The following ITIH5 variants were observed in gnomAD, a reference collection of about 807,000 sequenced individuals.
ITIH5 encodes inter-alpha-trypsin inhibitor heavy chain 5.
A neutral mutation model predicts 77.5 loss-of-function variants in ITIH5; 65 were observed. The observed-to-expected ratio is 0.84, with a 90% confidence interval of 0.69 to 1.03. ITIH5 has a LOEUF of 1.03. ITIH5 is among the 50% of genes least tolerant of loss of function. The probability of loss-of-function intolerance (pLI) is 0.00; values close to 1 mark genes in which losing one functional copy is unlikely to be tolerated. For synonymous variants in ITIH5, 525 were observed against 494.3 expected, an observed-to-expected ratio of 1.06 and a Z score of -0.82; for missense variants, 1,208 against 1,213.1, an observed-to-expected ratio of 1.00 and a Z score of 0.06.
At chr10:7,576,074 G>C (rs1448113779) in intron 10 of ITIH5, among the ~76,000 whole-genome samples, 1 of 152,152 alleles carries the variant, frequency 6.6e-6, no homozygotes, top group African/African-American at 2.4e-5. Flanking sequence ...ACCCAGGTTG[G>C]AGAGCAATGG....
At chr10:7,649,502 A>T in intron 2 of ITIH5, among the ~76,000 whole-genome samples, 1 of 149,374 alleles carries the variant, frequency 6.7e-6, no homozygotes, top group South Asian at 2.2e-4. Flanking sequence ...AAGTGGATAG[A>T]TGGATAGATA....
intron 2 of ITIH5, among the ~76,000 whole-genome samples, chr10:7,648,256 A>G (rs1834037763): frequency 8.6e-6 from 1 of 116,620 alleles, no homozygotes; most frequent in Non-Finnish European, 2.0e-5. Context: ...AAAAAAAAAA[A>G]AGAACACAGA....
chr10:7,628,729 ATGTTGCAGCG>A (rs1833635154), intron 5 of ITIH5, among the ~76,000 whole-genome samples: 1 of 103,716 alleles, frequency 9.6e-6, no homozygotes, highest in Non-Finnish European at 1.9e-5. Flanking sequence ...GCGTGTGTCC[ATGTTGCAGCG>A]TGTGTCCATG....
intron 5 of ITIH5, among the ~76,000 whole-genome samples, chr10:7,634,193 G>A (rs1833761211): frequency 1.3e-5 from 2 of 151,800 alleles, no homozygotes; most frequent in African/African-American, 4.8e-5. Flanking sequence ...AACACAGCCA[G>A]ATCTATCAGC....
At chr10:7,577,038 G>T (rs770407026) in intron 9 of ITIH5, 26 bp from the exon 10 acceptor site, 1 of 1,576,856 alleles carries the variant, frequency 6.3e-7, no homozygotes, top group East Asian at 2.2e-5. Context: ...AGGGAGGGAG[G>T]GAGATCAGGG....
chr10:7,567,961 G>T (rs2082941746), intron 12 of ITIH5, among the ~76,000 whole-genome samples: 1 of 152,206 alleles, frequency 6.6e-6, no homozygotes, highest in African/African-American at 2.4e-5. Context: ...GAGGATCCCA[G>T]AAGGTAGCAT....
intron 2 of ITIH5, among the ~76,000 whole-genome samples, chr10:7,644,015 C>T (rs933846102): frequency 2.6e-5 from 4 of 152,146 alleles, no homozygotes; most frequent in Admixed American, 6.5e-5. Context: ...CCAAGGTGGA[C>T]AGATCACCTG....
At chr10:7,582,083 G>T (rs573632468) in intron 8 of ITIH5, among the ~76,000 whole-genome samples, 9 of 151,196 alleles carry the variant, frequency 6.0e-5, no homozygotes, top group Non-Finnish European at 1.2e-4. Context: ...CACCATGTTG[G>T]CCAGGCTGGT....
At chr10:7,570,614 T>C (rs1432060278) in intron 11 of ITIH5, among the ~76,000 whole-genome samples, 1 of 152,168 alleles carries the variant, frequency 6.6e-6, no homozygotes, top group African/African-American at 2.4e-5. Flanking sequence ...ATATTCCAAG[T>C]GCAATTTGTT....
At chr10:7,592,118 C>G (rs1042486073) in intron 7 of ITIH5, among the ~76,000 whole-genome samples, 1 of 152,192 alleles carries the variant, frequency 6.6e-6, no homozygotes, top group Non-Finnish European at 1.5e-5. Context: ...ATCTGCCCAC[C>G]TTAGCCTCCC....
intron 2 of ITIH5, among the ~76,000 whole-genome samples, chr10:7,643,332 T>C (rs183994407): frequency 6.6e-6 from 1 of 152,326 alleles, no homozygotes; most frequent in East Asian, 1.9e-4. Context: ...AACAAGACAT[T>C]ACCCCATGAC....
At chr10:7,566,826 GGAAGAGGAAGAGGAAGAGGAA>G (rs1564232579) in intron 12 of ITIH5, among the ~76,000 whole-genome samples, 93 of 60,570 alleles carry the variant, frequency 1.5e-3, no homozygotes, top group African/African-American at 2.1e-3. Flanking sequence ...AAGAGGAAGA[GGAAGAGGAAGAGGAAGAGGAA>G]GAAGAAGAAG....
rs73617561 is a variant in ITIH5 at position 7,581,907 on chromosome 10, G to A, written c.1109-1843C>T. Among the ~76,000 whole-genome samples the A allele has an allele frequency of 2.7e-3, 342 of 125,192 alleles. 2 individuals carry two copies. The highest frequency in any genetic ancestry group is 0.01 in the African/African-American group (328 of 31,768). 82.1% of individuals were successfully genotyped at this position (125,192 alleles called of 152,430 possible). ...TTTTTTTTTTTTGAGATATAGTCATGCTCTTTCGCCCAAGGTGGAATGCAG... is the reference window on the plus strand; with the variant it reads ...TTTTTTTTTTTTGAGATATAGTCATACTCTTTCGCCCAAGGTGGAATGCAG... On this transcript the variant is annotated intron_variant, in intron 8 of 13. Coordinates refer to ENST00000397146, the MANE Select transcript of ITIH5 (RefSeq NM_030569.7).
intron 1 of ITIH5, among the ~76,000 whole-genome samples, chr10:7,664,785 A>G (rs1834335905): frequency 6.6e-6 from 1 of 152,282 alleles, no homozygotes; most frequent in African/African-American, 2.4e-5. Flanking sequence ...TTAAGTTTAC[A>G]TACAATTTTA....
intron 7 of ITIH5, among the ~76,000 whole-genome samples, chr10:7,600,298 TG>T (rs1426201540): frequency 6.6e-6 from 1 of 152,220 alleles, no homozygotes; most frequent in African/African-American, 2.4e-5. Context: ...TCCAATGCTA[TG>T]CCTTAATCTG....
intron 5 of ITIH5, 105 bp from the exon 6 acceptor site, chr10:7,617,387 G>A (rs1257442388): frequency 2.8e-6 from 2 of 713,162 alleles, no homozygotes; most frequent in African/African-American, 1.8e-5. Flanking sequence ...TTTTATTACA[G>A]GCTTGTATTT....
At chr10:7,632,341 G>C (rs1416098204) in intron 5 of ITIH5, among the ~76,000 whole-genome samples, 1 of 152,130 alleles carries the variant, frequency 6.6e-6, no homozygotes, top group Non-Finnish European at 1.5e-5. Flanking sequence ...ATCCTTCTGA[G>C]GTGGTAGCAG....
chr10:7,656,531 A>T (rs938712267), intron 1 of ITIH5, among the ~76,000 whole-genome samples: 9 of 151,974 alleles, frequency 5.9e-5, no homozygotes, highest in African/African-American at 2.2e-4. Flanking sequence ...ATTTTTTTTA[A>T]AAAAAACTCA....
rs1436611316 is a variant in ITIH5, at chr10:7,644,758, TCA to T, written c.136-2670_136-2669del. Among the ~76,000 whole-genome samples, 92 of 139,372 alleles carry T rather than the reference TCA, an allele frequency of 6.6e-4. 1 individual carries two copies. The highest frequency in any genetic ancestry group is 6.7e-4 in the Admixed American group (9 of 13,506). 91.4% of individuals were successfully genotyped at this position (139,372 alleles called of 152,430 possible). ...CTATATCACATATATATCACATATA[TCA>T]CATATATATCATATATATCACATAT... On this transcript the variant is annotated intron_variant, in intron 2 of 13. Coordinates refer to ENST00000397146, the MANE Select transcript of ITIH5 (RefSeq NM_030569.7).
Sources: allele counts gnomAD v4.1 joint callset (sites outside exome capture counted in the v4.1 genomes callset), GRCh38; gene constraint gnomAD v4.1.1; transcripts MANE v1.5; gene names NCBI Gene and HGNC (gene_info 2026-07-23, HGNC 2026-07-21).